The following EFHC2 variants were observed in gnomAD, a reference collection of about 807,000 sequenced individuals.
The protein encoded by EFHC2 is EF-hand domain containing 2.
EFHC2 carries 18 observed loss-of-function variants against 52.7 expected under a neutral mutation model. The observed-to-expected ratio is 0.34, with a 90% CI of 0.24 to 0.51. EFHC2 has a LOEUF of 0.51. Ranked by LOEUF, EFHC2 falls within the 20% of genes least tolerant of loss-of-function variation. The pLI, the probability that EFHC2 is intolerant of heterozygous loss-of-function variation, is 0.97. For missense variants in EFHC2, 513 were observed against 562.5 expected, an observed-to-expected ratio of 0.91 and a Z score of 0.89; for synonymous variants, 203 against 204.1, an observed-to-expected ratio of 0.99 and a Z score of 0.04.
intron 2 of EFHC2, chrX:44,309,621 C>T: frequency 8.7e-7 from 1 of 1,155,550 alleles, no homozygotes; most frequent in South Asian, 1.8e-5. Flanking sequence ...TCACTTTCTC[C>T]TCCGATGGTT....
intron 8 of EFHC2, 63 bp from the exon 9 acceptor site, chrX:44,235,510 TAA>T: frequency 1.9e-6 from 2 of 1,041,422 alleles, no homozygotes; most frequent in Non-Finnish European, 2.5e-6. Context: ...ATTATGTTTT[TAA>T]AAGTCTGCAA....
chrX:44,327,736 C>G (rs2038061272), intron 1 of EFHC2, among the ~76,000 whole-genome samples: 1 of 111,451 alleles, frequency 9.0e-6, no homozygotes. Flanking sequence ...AGCATGAAAG[C>G]CATCATTACT....
intron 13 of EFHC2, among the ~76,000 whole-genome samples, chrX:44,172,642 T>C (rs897368516): frequency 8.9e-6 from 1 of 112,376 alleles, no homozygotes; most frequent in Non-Finnish European, 1.9e-5. Flanking sequence ...TAGGCAGTTG[T>C]AGTTCTACTT....
chrX:44,253,410 G>A (rs1280705701), intron 4 of EFHC2, among the ~76,000 whole-genome samples: 1 of 111,069 alleles, frequency 9.0e-6, no homozygotes, highest in Non-Finnish European at 1.9e-5. Flanking sequence ...GTCTGAAGTC[G>A]ATCTGGGACG....
intron 3 of EFHC2, among the ~76,000 whole-genome samples, chrX:44,261,855 G>A (rs1221534989): frequency 9.3e-6 from 1 of 107,805 alleles, no homozygotes; most frequent in Non-Finnish European, 1.9e-5. Context: ...TGGCTGCTGT[G>A]AAGTTTCATG....
At chrX:44,239,520 G>A (rs1039381101) in intron 8 of EFHC2, among the ~76,000 whole-genome samples, 1 of 112,070 alleles carries the variant, frequency 8.9e-6, no homozygotes, top group Non-Finnish European at 1.9e-5. Context: ...TATAGGTTCT[G>A]TCGAAAGACA....
intron 1 of EFHC2, 48 bp downstream of exon 1, chrX:44,343,499 C>T: frequency 8.6e-7 from 1 of 1,169,434 alleles, no homozygotes; most frequent in Admixed American, 2.5e-5. Context: ...CTGCCTGGAC[C>T]CCAGACTCCA....
chrX:44,159,715 C>T (rs1263525078), intron 14 of EFHC2, among the ~76,000 whole-genome samples: 3 of 112,532 alleles, frequency 2.7e-5, no homozygotes, highest in East Asian at 5.6e-4. Flanking sequence ...AAATGAATCG[C>T]AATTAGAAGA....
intron 3 of EFHC2, among the ~76,000 whole-genome samples, chrX:44,266,430 A>G (rs1442133943): frequency 9.1e-6 from 1 of 109,757 alleles, no homozygotes; most frequent in Non-Finnish European, 1.9e-5. Flanking sequence ...TCCGTCTCCC[A>G]GGTTCAAGCA....
chrX:44,196,902 G>C (rs1386194577), intron 11 of EFHC2, among the ~76,000 whole-genome samples: 1 of 112,305 alleles, frequency 8.9e-6, no homozygotes, highest in Non-Finnish European at 1.9e-5. Flanking sequence ...ACCTTAGCTA[G>C]TTTGATTCTA....
At chrX:44,277,128 G>A (rs907052595) in intron 2 of EFHC2, among the ~76,000 whole-genome samples, 1 of 109,866 alleles carries the variant, frequency 9.1e-6, no homozygotes, top group Non-Finnish European at 1.9e-5. Context: ...GTGTGGGGGC[G>A]GGTGCCCGTA....
intron 4 of EFHC2, among the ~76,000 whole-genome samples, chrX:44,252,864 C>G (rs2037462109): frequency 9.0e-6 from 1 of 111,671 alleles, no homozygotes; most frequent in South Asian, 3.8e-4. Context: ...AGGAACAGCT[C>G]TGGTCTGCAG....
At chrX:44,272,012 G>A (rs1338598428) in intron 3 of EFHC2, among the ~76,000 whole-genome samples, 5 of 111,858 alleles carry the variant, frequency 4.5e-5, no homozygotes, top group Admixed American at 9.5e-5. Context: ...TCAGAACTCC[G>A]CAGCATCCCA....
At chrX:44,249,446 G>T (rs767443942) in intron 5 of EFHC2, among the ~76,000 whole-genome samples, 85 of 102,687 alleles carry the variant, frequency 8.3e-4, no homozygotes, top group Admixed American at 1.8e-3. Context: ...TGTTTTTTTG[G>T]TTTTTTTTTT....
chrX:44,321,090 T>C (rs1381425178), intron 1 of EFHC2, among the ~76,000 whole-genome samples: 1 of 111,488 alleles, frequency 9.0e-6, no homozygotes, highest in Non-Finnish European at 1.9e-5. Context: ...GTAGAGACAG[T>C]GGAAGTGATC....
chrX:44,260,127 G>A (rs910656668), intron 4 of EFHC2, among the ~76,000 whole-genome samples: 19 of 111,179 alleles, frequency 1.7e-4, no homozygotes, highest in Admixed American at 7.7e-4. Context: ...GGTGGGGAGC[G>A]GGATCGATTC....
intron 11 of EFHC2, among the ~76,000 whole-genome samples, chrX:44,187,650 T>A (rs886185222): frequency 1.8e-5 from 2 of 110,903 alleles, no homozygotes; most frequent in African/African-American, 3.3e-5. Flanking sequence ...TAGCTCGACA[T>A]TGTGGTGTGT....
At chrX:44,309,691 CTAA>C (rs1249028056) in intron 2 of EFHC2, 10 of 1,050,682 alleles carry the variant, frequency 9.5e-6, no homozygotes, top group Non-Finnish European at 1.3e-5. Flanking sequence ...CTCTTCTCTG[CTAA>C]TAAGTTCATT....
At chrX:44,233,748 C>G (rs1478183960) in intron 9 of EFHC2, among the ~76,000 whole-genome samples, 3 of 111,319 alleles carry the variant, frequency 2.7e-5, no homozygotes, top group Non-Finnish European at 5.7e-5. Context: ...CTTCTCAGGT[C>G]GCCTATAGTG....
Sources: allele counts gnomAD v4.1 joint callset (sites outside exome capture counted in the v4.1 genomes callset), GRCh38; gene constraint gnomAD v4.1.1; transcripts MANE v1.5; gene names NCBI Gene and HGNC (gene_info 2026-07-23, HGNC 2026-07-21).